Variants in CACNB4 observed in about 807,000 individuals in gnomAD.
CACNB4 encodes calcium voltage-gated channel auxiliary subunit beta 4.
In CACNB4, 32 loss-of-function variants were observed where a neutral mutation model predicts 71.2. The observed-to-expected ratio is 0.45, with a 90% CI of 0.34 to 0.60. CACNB4 has a LOEUF of 0.60. CACNB4 is among the 20% of genes least tolerant of loss of function. The pLI, the probability that CACNB4 is intolerant of heterozygous loss-of-function variation, is 0.01. For missense variants in CACNB4, 464 were observed against 647.9 expected (o/e 0.72, Z 3.08); for synonymous variants, 231 against 236.9 (o/e 0.97, Z 0.23).
At chr2:152,028,802 G>A (rs1048810101) in intron 2 of CACNB4, among the ~76,000 whole-genome samples, 1 of 152,176 alleles carries the variant, frequency 6.6e-6, no homozygotes, top group African/African-American at 2.4e-5. Context: ...ACACAAGTGG[G>A]TATTAGCCAA....
intron 2 of CACNB4, among the ~76,000 whole-genome samples, chr2:151,978,027 T>C (rs1016762035): frequency 1.2e-4 from 18 of 152,212 alleles, no homozygotes; most frequent in South Asian, 1.0e-3. Flanking sequence ...CTGTGTGGCA[T>C]TGCAAGAATG....
chr2:151,910,924 T>C (rs929063254), intron 2 of CACNB4, among the ~76,000 whole-genome samples: 2 of 152,238 alleles, frequency 1.3e-5, no homozygotes, highest in Non-Finnish European at 2.9e-5. Context: ...ATTCTTCCTA[T>C]CCATGAGGAT....
At chr2:151,931,867 C>G (rs1454333580) in intron 2 of CACNB4, among the ~76,000 whole-genome samples, 3 of 152,122 alleles carry the variant, frequency 2.0e-5, no homozygotes, top group Non-Finnish European at 4.4e-5. Flanking sequence ...GACTAAAAAA[C>G]TATAGTATAC....
At chr2:151,968,063 G>A (rs1170965046) in intron 2 of CACNB4, 1 of 152,186 alleles carries the variant, frequency 6.6e-6, no homozygotes, top group Non-Finnish European at 1.5e-5. Context: ...TAGCCACACA[G>A]TTTTATCTTA....
At chr2:152,007,795 G>A (rs559171263) in intron 2 of CACNB4, among the ~76,000 whole-genome samples, 4 of 150,302 alleles carry the variant, frequency 2.7e-5, no homozygotes, top group South Asian at 2.1e-4. Flanking sequence ...TTTTTGAGAC[G>A]GAGTCTCGCT....
intron 2 of CACNB4, among the ~76,000 whole-genome samples, chr2:151,888,412 TA>T (rs979567464): frequency 2.6e-5 from 4 of 151,192 alleles, no homozygotes; most frequent in Non-Finnish European, 4.4e-5. Flanking sequence ...AAATAAATTT[TA>T]AAAAAAAATT....
chr2:152,040,130 G>C (rs1191305043), intron 2 of CACNB4, among the ~76,000 whole-genome samples: 1 of 152,152 alleles, frequency 6.6e-6, no homozygotes, highest in Non-Finnish European at 1.5e-5. Context: ...GAATAAATTA[G>C]CTGGGAGTTT....
chr2:152,051,099 A>C (rs1288550012), intron 2 of CACNB4, among the ~76,000 whole-genome samples: 26 of 151,868 alleles, frequency 1.7e-4, no homozygotes, highest in Admixed American at 1.4e-3. Context: ...ACCACCACCA[A>C]CCACAGAAAA....
chr2:151,914,504 T>C (rs1177256980), intron 2 of CACNB4, among the ~76,000 whole-genome samples: 1 of 152,216 alleles, frequency 6.6e-6, no homozygotes, highest in African/African-American at 2.4e-5. Flanking sequence ...TCCAGTTCTG[T>C]GCCCTTGACA....
chr2:152,066,486 A>G (rs1247492665), intron 2 of CACNB4, among the ~76,000 whole-genome samples: 1 of 151,664 alleles, frequency 6.6e-6, no homozygotes, highest in Non-Finnish European at 1.5e-5. Context: ...TTAAAAAGTC[A>G]GGAAACAACA....
intron 12 of CACNB4, chr2:151,850,574 C>G (rs1022772338): frequency 6.6e-6 from 1 of 152,180 alleles, no homozygotes; most frequent in African/African-American, 2.4e-5. Context: ...AGCCAGTTCT[C>G]TTGGTCTCAG....
intron 2 of CACNB4, among the ~76,000 whole-genome samples, chr2:152,021,184 T>C (rs1253717975): frequency 1.3e-5 from 2 of 152,010 alleles, no homozygotes; most frequent in South Asian, 2.1e-4. Context: ...GAGGCGGAGG[T>C]TGCAGTGAGC....
intron 2 of CACNB4, among the ~76,000 whole-genome samples, chr2:151,945,872 CT>C (rs1207090744): frequency 2.3e-5 from 1 of 43,574 alleles, no homozygotes. Context: ...ATGACCCTGT[CT>C]TTAAAAAAAA....
At chr2:151,983,091 C>T (rs1027612285) in intron 2 of CACNB4, among the ~76,000 whole-genome samples, 3 of 152,192 alleles carry the variant, frequency 2.0e-5, no homozygotes, top group African/African-American at 7.2e-5. Context: ...CACATGTTAG[C>T]CTGCTTACTT....
chr2:152,082,522 C>T (rs976362769), intron 2 of CACNB4, among the ~76,000 whole-genome samples: 1 of 152,180 alleles, frequency 6.6e-6, no homozygotes, highest in African/African-American at 2.4e-5. Flanking sequence ...GCTAACTGTA[C>T]AGTATATTCT....
intron 8 of CACNB4, chr2:151,869,859 T>C (rs2099844155): frequency 3.5e-6 from 1 of 286,124 alleles, no homozygotes; most frequent in African/African-American, 2.2e-5. Context: ...CACATTGTCC[T>C]AGCTCGATGG....
intron 2 of CACNB4, among the ~76,000 whole-genome samples, chr2:152,012,409 G>GC (rs1168335928): frequency 7.9e-5 from 12 of 152,134 alleles, no homozygotes; most frequent in Non-Finnish European, 1.6e-4. Flanking sequence ...TTCCAGACCA[G>GC]CCTGACCAAC....
chr2:151,864,005 G>C (rs1462349459), intron 9 of CACNB4, among the ~76,000 whole-genome samples: 1 of 152,016 alleles, frequency 6.6e-6, no homozygotes, highest in Non-Finnish European at 1.5e-5. Flanking sequence ...TTTATAAAAG[G>C]CTCTCCAGAA....
At chr2:151,899,723 G>A (rs773148862) in intron 2 of CACNB4, among the ~76,000 whole-genome samples, 4 of 152,014 alleles carry the variant, frequency 2.6e-5, no homozygotes, top group South Asian at 2.1e-4. Flanking sequence ...AACCATACTC[G>A]GTGCCCTAAC....
Sources: allele counts gnomAD v4.1 joint callset (sites outside exome capture counted in the v4.1 genomes callset), GRCh38; gene constraint gnomAD v4.1.1; transcripts MANE v1.5; gene names NCBI Gene and HGNC (gene_info 2026-07-23, HGNC 2026-07-21).